FREM1: variants seen among roughly 807,000 people sequenced by gnomAD.
FREM1 encodes FRAS1-related extracellular matrix protein 1.
Under a neutral mutation model 210.1 loss-of-function variants are expected in FREM1, and 220 were observed. The ratio of observed to expected loss-of-function variants is 1.05; its 90% confidence interval spans 0.94 to 1.17. FREM1 has a LOEUF of 1.17. Among genes scored for constraint, FREM1 ranks in the 50% most tolerant of loss-of-function variants. FREM1 has a pLI of 0.00. For missense variants in FREM1, 3,454 were observed against 2,675.5 expected (o/e 1.29, Z -6.42); for synonymous variants, 1,189 against 980.2 (o/e 1.21, Z -3.98).
intron 22 of FREM1, among the ~76,000 whole-genome samples, chr9:14,791,538 C>T (rs543996032): frequency 6.6e-6 from 1 of 152,266 alleles, no homozygotes; most frequent in African/African-American, 2.4e-5. Flanking sequence ...CCTTTTTGGT[C>T]CAAGACTTTG....
At position 14,860,754 on chromosome 9, in the gene FREM1, T is replaced by C. The variant is rs965340086; in HGVS notation, c.330-1270A>G. On this transcript the variant is annotated intron_variant, in intron 3 of 36. Transcript: ENST00000380880. ...ACATATATACACATATATATGCACA[T>C]ATATATGCACATATATACACATATA... is the stretch of plus-strand genomic sequence containing the variant. Among the ~76,000 whole-genome samples, 144 of 113,752 alleles carry C rather than the reference T, an allele frequency of 1.3e-3. 9 individuals carry two copies. The highest frequency in any genetic ancestry group is 1.1e-3 in the Non-Finnish European group (64 of 60,418). 74.6% of individuals were successfully genotyped at this position (113,752 alleles called of 152,430 possible).
At position 14,737,610 on chromosome 9, in the gene FREM1, A is replaced by C. The variant is rs1840628116; in HGVS notation, c.6341-15T>G. 6.0e-6 allele frequency: 9 copies of C among 1,495,962 alleles called. No individual in the cohort carries two copies. The highest frequency in any genetic ancestry group is 8.0e-6 in the Non-Finnish European group (9 of 1,122,194). 92.7% of individuals were successfully genotyped at this position (1,495,962 alleles called of 1,614,324 possible). On this transcript the variant is annotated splice_polypyrimidine_tract_variant and intron_variant, in intron 36 of 36. Transcript: ENST00000380880. ...GTCGTTCAAACCTAATGTGAACCAA[A>C]AGAATGTACCAATTACTTTTATTGC...
chr9:14,788,271 T>C (rs1386287705), intron 23 of FREM1, among the ~76,000 whole-genome samples: 1 of 152,136 alleles, frequency 6.6e-6, no homozygotes, highest in Non-Finnish European at 1.5e-5. Context: ...CTTCTACTCT[T>C]CCTTGCTGAG....
At chr9:14,882,384 A>G (rs948113609) in intron 1 of FREM1, among the ~76,000 whole-genome samples, 7 of 152,080 alleles carry the variant, frequency 4.6e-5, no homozygotes, top group Non-Finnish European at 7.4e-5. Flanking sequence ...CCTGCACCAC[A>G]ATGCTGTTGA....
chr9:14,887,976 T>C (rs1836116159), intron 1 of FREM1, among the ~76,000 whole-genome samples: 1 of 152,114 alleles, frequency 6.6e-6, no homozygotes, highest in Non-Finnish European at 1.5e-5. Flanking sequence ...TTTCATATTT[T>C]TAGTAGAGAC....
rs36211636 is a variant in FREM1, at chr9:14,774,511, A to ATCTCTCTCTCTC, written c.4857+1266_4857+1277dup. 7.7e-4 allele frequency among the ~76,000 whole-genome samples: 105 copies of ATCTCTCTCTCTC among 136,330 alleles called. 3 individuals are homozygous for ATCTCTCTCTCTC. The highest frequency in any genetic ancestry group is 7.4e-4 in the Admixed American group (10 of 13,454). 89.4% of individuals were successfully genotyped at this position (136,330 alleles called of 152,430 possible). On this transcript the variant is annotated intron_variant, in intron 25 of 36. Transcript: ENST00000380880. ...CCAATGAGCCAATTTCCTAAAATAA[A>ATCTCTCTCTCTC]TCTCTCTCTCTCTCTCTCTCTCTCT... is the stretch of plus-strand genomic sequence containing the variant.
chr9:14,860,641 G>GTATACATATACACACATA (rs1829752681), intron 3 of FREM1, among the ~76,000 whole-genome samples: 1 of 78,238 alleles, frequency 1.3e-5, no homozygotes, highest in Non-Finnish European at 2.5e-5. Context: ...ATATACACAT[G>GTATACATATACACACATA]TATACATATA....
chr9:14,788,731 CCACATAGGT>C (rs1850803126), intron 23 of FREM1, among the ~76,000 whole-genome samples, 179 bp downstream of exon 23: 1 of 152,038 alleles, frequency 6.6e-6, no homozygotes, highest in Non-Finnish European at 1.5e-5. Flanking sequence ...CTTCTGTGAA[CCACATAGGT>C]CCCAGGCAAA....
At chr9:14,749,906 G>T (rs1410086839) in intron 30 of FREM1, among the ~76,000 whole-genome samples, 1 of 152,130 alleles carries the variant, frequency 6.6e-6, no homozygotes, top group Non-Finnish European at 1.5e-5. Flanking sequence ...AAACAACTAC[G>T]GCACTGACTT....
Position 14,901,554 on chromosome 9 carries a change from A to G in FREM1, c.-268+8360T>C, listed in dbSNP as rs552622236. On this transcript the variant is annotated intron_variant, in intron 1 of 36. Coordinates refer to ENST00000380880, the MANE Select transcript of FREM1 (RefSeq NM_001379081.2). ...AATAAAAATCAATTTTTTGAGGGGA[A>G]AAAGGAAGTGACTCCTTTTTAAAAA... 1.6e-4 allele frequency among the ~76,000 whole-genome samples: 24 copies of G among 151,776 alleles called. No individual in the cohort carries two copies. The South Asian group carries it at 5.0e-3, about 31-fold the overall frequency.
intron 27 of FREM1, among the ~76,000 whole-genome samples, chr9:14,763,196 A>G (rs10114365): frequency 0.72 from 109,539 of 152,012 alleles, 39,719 homozygotes; most frequent in South Asian, 0.77. Context: ...TTTGGACCAG[A>G]CAATTCTTTG....
rs1213376520 is a variant in FREM1 at position 14,823,196 on chromosome 9, G to T, written c.2301C>A (p.Asn767Lys). 2 of 1,613,714 alleles carry T rather than the reference G, an allele frequency of 1.2e-6. No homozygotes were observed. The highest frequency in any genetic ancestry group is 1.7e-6 in the Non-Finnish European group (2 of 1,179,770). ...HGGTLHGICF[N>K]ITILPVDNQV... ...GATTGTCCACTGGGAGGATTGTAAT[G>T]TTAAAGCAGATCCCATGCAAAGTAC... The change falls in exon 13 of 37, where the codon AAC becomes AAA. Residue 767 changes from asparagine (N) to lysine (K), a missense_variant. Coordinates refer to ENST00000380880, the MANE Select transcript of FREM1 (RefSeq NM_001379081.2).
Position 14,737,512 on chromosome 9 carries a change from A to T in FREM1, c.6424T>A (p.Ser2142Thr). The change falls in exon 37 of 37, where the codon TCT (serine) becomes ACT (threonine). Residue 2142 changes from serine (S) to threonine (T), a missense_variant. Ser to Thr is a moderately conservative substitution (Grantham distance 58, BLOSUM62 1). Transcript: ENST00000380880. ...VAFTNGRRGP[S>T]QRSKLGKSCV... is the part of the protein sequence containing the mutation. ...CTCTTTCCAAGCTTGGAGCGTTGAG[A>T]GGGCCCTCTTCTCCCATTGGTGAAG... 6.2e-7 allele frequency: 1 copy of T among 1,612,976 alleles called. No homozygotes were observed. Among genetic ancestry groups the T allele is most frequent in the Non-Finnish European group, 8.5e-7 (1 of 1,179,388 alleles).
At chr9:14,869,643 C>A (rs1832218532) in intron 1 of FREM1, among the ~76,000 whole-genome samples, 1 of 152,104 alleles carries the variant, frequency 6.6e-6, no homozygotes, top group African/African-American at 2.4e-5. Context: ...TTTCAGAGAG[C>A]TGATAGGATT....
chr9:14,744,763 G>T (rs1842122673), intron 35 of FREM1, among the ~76,000 whole-genome samples: 1 of 151,926 alleles, frequency 6.6e-6, no homozygotes, highest in African/African-American at 2.4e-5. Flanking sequence ...AAATACCTAG[G>T]AGTAGAATAT....
At chr9:14,841,943 G>C (rs953807901) in intron 9 of FREM1, among the ~76,000 whole-genome samples, 2 of 152,146 alleles carry the variant, frequency 1.3e-5, no homozygotes, top group Non-Finnish European at 2.9e-5. Context: ...GTTACAAAAT[G>C]ATTCTAACAA....
chr9:14,874,653 T>C (rs1833351600), intron 1 of FREM1, among the ~76,000 whole-genome samples: 1 of 152,034 alleles, frequency 6.6e-6, no homozygotes, highest in African/African-American at 2.4e-5. Flanking sequence ...AATTGGAGCA[T>C]TTAGTCCATT....
intron 22 of FREM1, among the ~76,000 whole-genome samples, chr9:14,790,052 T>C (rs1851041214): frequency 6.6e-6 from 1 of 152,160 alleles, no homozygotes; most frequent in Non-Finnish European, 1.5e-5. Flanking sequence ...ATGTAAATCA[T>C]TTACTTTTTA....
chr9:14,888,175 C>T (rs542942419), intron 1 of FREM1, among the ~76,000 whole-genome samples: 4 of 152,204 alleles, frequency 2.6e-5, no homozygotes, highest in Admixed American at 1.3e-4. Context: ...TGTTTAATCC[C>T]TACTATGGTT....
Sources: gnomAD v4.1 joint callset for allele counts (sites outside exome capture counted in the v4.1 genomes callset) on GRCh38, gnomAD v4.1.1 for gene constraint, MANE v1.5 for transcripts, NCBI Gene and HGNC (gene_info 2026-07-23, HGNC 2026-07-21) for gene names.